ARHGAP5: variants seen among roughly 807,000 people sequenced by gnomAD.
ARHGAP5 encodes the protein Rho GTPase activating protein 5.
ARHGAP5 carries 23 observed loss-of-function variants against 116.6 expected under a neutral mutation model. That is an observed-to-expected ratio of 0.20 (90% CI 0.14 to 0.28). The LOEUF (loss-of-function observed/expected upper bound fraction) is 0.28. Ranked by LOEUF, ARHGAP5 falls within the 10% of genes least tolerant of loss-of-function variation. The pLI is 1.00. For missense variants in ARHGAP5, 1,405 were observed against 1,774.8 expected, an observed-to-expected ratio of 0.79 and a Z score of 3.74; for synonymous variants, 574 against 602.0, an observed-to-expected ratio of 0.95 and a Z score of 0.68.
At chr14:32,085,366 C>T (rs1056326046) in intron 1 of ARHGAP5, among the ~76,000 whole-genome samples, 3 of 152,096 alleles carry the variant, frequency 2.0e-5, no homozygotes, top group East Asian at 1.9e-4. Flanking sequence ...GAGAGGATCA[C>T]CTGAGCGCAG....
chr14:32,129,425 A>G (rs1880361022), intron 3 of ARHGAP5, among the ~76,000 whole-genome samples: 1 of 152,216 alleles, frequency 6.6e-6, no homozygotes, highest in Admixed American at 6.5e-5. Flanking sequence ...AATAGAGACT[A>G]TCTTTAAAGC....
intron 4 of ARHGAP5, among the ~76,000 whole-genome samples, chr14:32,147,597 A>G (rs550745293): frequency 2.6e-5 from 4 of 152,364 alleles, no homozygotes; most frequent in African/African-American, 9.6e-5. Context: ...AATGTGTTAC[A>G]GAAGTCTTTG....
chr14:32,137,343 T>C (rs1486612205), intron 3 of ARHGAP5, among the ~76,000 whole-genome samples: 2 of 151,322 alleles, frequency 1.3e-5, no homozygotes, highest in Non-Finnish European at 2.9e-5. Flanking sequence ...TCTCATTAAA[T>C]GGTCTTGACA....
At chr14:32,113,503 T>TA (rs977618768) in intron 2 of ARHGAP5, among the ~76,000 whole-genome samples, 21 of 152,250 alleles carry the variant, frequency 1.4e-4, no homozygotes, top group African/African-American at 4.3e-4. Flanking sequence ...TTTCATTACA[T>TA]TAGATTGCTA....
chr14:32,143,192 A>T (rs1220395562), intron 3 of ARHGAP5, among the ~76,000 whole-genome samples: 1 of 148,028 alleles, frequency 6.8e-6, no homozygotes, highest in African/African-American at 2.5e-5. Flanking sequence ...TTAAAAGGCA[A>T]CATTATTTTA....
chr14:32,158,253 G>A lies in ARHGAP5; in HGVS notation c.*3305G>A, dbSNP rs1465121885. The stretch of plus-strand genomic sequence containing the variant: ...ATCAATATGATGGAAATCTTATTAA[G>A]GAGATGTATTATTGAATTTTCACTG... On this transcript the variant is annotated 3_prime_UTR_variant, in exon 7 of 7. Coordinates refer to ENST00000345122, the MANE Select transcript of ARHGAP5 (RefSeq NM_001030055.2). The A allele has an allele frequency of 1.3e-5, 2 of 151,730 alleles. No homozygotes were observed. Among genetic ancestry groups the A allele is most frequent in the Admixed American group, 6.6e-5 (1 of 15,230 alleles). 9.4% of individuals were successfully genotyped at this position (151,730 alleles called of 1,614,324 possible).
intron 2 of ARHGAP5, among the ~76,000 whole-genome samples, chr14:32,101,328 A>C (rs1231033818): frequency 6.6e-6 from 1 of 152,214 alleles, no homozygotes; most frequent in Admixed American, 6.5e-5. Flanking sequence ...GTATATATTG[A>C]GTCACAAGGT....
chr14:32,142,811 A>G (rs1219316799), intron 3 of ARHGAP5, among the ~76,000 whole-genome samples: 1 of 152,178 alleles, frequency 6.6e-6, no homozygotes, highest in East Asian at 1.9e-4. Context: ...TAATTTTTTA[A>G]TAGATTACAG....
chr14:32,126,880 A>T (rs1418829716), intron 3 of ARHGAP5, among the ~76,000 whole-genome samples: 1 of 152,072 alleles, frequency 6.6e-6, no homozygotes, highest in African/African-American at 2.4e-5. Context: ...GTAGTGATGG[A>T]TGCACAATAT....
intron 1 of ARHGAP5, among the ~76,000 whole-genome samples, chr14:32,077,668 G>A (rs1318974456): frequency 6.6e-6 from 1 of 152,192 alleles, no homozygotes; most frequent in African/African-American, 2.4e-5. Flanking sequence ...GAGGCCGGGG[G>A]AGGGGGTGCT....
At chr14:32,114,593 C>T (rs1217611558) in intron 2 of ARHGAP5, among the ~76,000 whole-genome samples, 1 of 152,182 alleles carries the variant, frequency 6.6e-6, no homozygotes, top group Non-Finnish European at 1.5e-5. Flanking sequence ...ACATTCCAGA[C>T]ACCTAGTTGT....
chr14:32,089,029 C>A (rs547509842), intron 1 of ARHGAP5, among the ~76,000 whole-genome samples: 22 of 151,978 alleles, frequency 1.4e-4, no homozygotes, highest in African/African-American at 4.3e-4. Flanking sequence ...ATATTTATTA[C>A]AAAAGTGAAC....
rs777212768 is a variant in ARHGAP5, at chr14:32,154,658, G to A, written c.4219G>A (p.Asp1407Asn). Residue 1407 changes from aspartate (D) to asparagine (N), a missense_variant, in exon 7 of 7, where the codon GAC becomes AAC. Around this residue, in one of 6 missense-constraint regions of ARHGAP5, gnomAD observed 5 missense variants for 24.1 expected, o/e 0.21. Transcript: ENST00000345122. Reference protein sequence around the residue: ...QQHKINLMTADNLSICFWPTL... With the variant: ...QQHKINLMTANNLSICFWPTL... ...ACATAAAATCAACCTAATGACAGCA[G>A]ACAACTTATCCATCTGTTTTTGGCC... 3.1e-6 allele frequency: 5 copies of A among 1,613,268 alleles called. No individual in the cohort carries two copies. The South Asian group carries it at 4.4e-5, about 14-fold the overall frequency.
intron 3 of ARHGAP5, among the ~76,000 whole-genome samples, chr14:32,140,752 T>G (rs1274177516): frequency 6.6e-6 from 1 of 152,246 alleles, no homozygotes; most frequent in Non-Finnish European, 1.5e-5. Context: ...ATACGGTGTT[T>G]CCTCCAGAAT....
intron 3 of ARHGAP5, among the ~76,000 whole-genome samples, chr14:32,128,568 G>T (rs1016847963): frequency 2.6e-5 from 4 of 152,222 alleles, no homozygotes; most frequent in Non-Finnish European, 5.9e-5. Context: ...GCGTGGGCAG[G>T]ATCTTGGCAT....
At chr14:32,100,792 T>G (rs1388574434) in intron 2 of ARHGAP5, among the ~76,000 whole-genome samples, 2 of 152,178 alleles carry the variant, frequency 1.3e-5, no homozygotes, top group Non-Finnish European at 2.9e-5. Flanking sequence ...AAATCTGAAT[T>G]AATTTAGTAA....
rs757499390 is a variant in ARHGAP5, at chr14:32,156,645, G to T, written c.*1697G>T. 3.1e-4 allele frequency: 47 copies of T among 152,078 alleles called. No individual in the cohort carries two copies. Among genetic ancestry groups the T allele is most frequent in the Admixed American group, 5.3e-4 (8 of 15,226 alleles). The allele number at this position is 152,078 out of a possible 1,614,324, so 9.4% of individuals were successfully genotyped here. ...TACAGTAATTTTTAAAAAAAAATCC[G>T]GTAAATGTAGTATTCTTAACCTGTT... On this transcript the variant is annotated 3_prime_UTR_variant, in exon 7 of 7. Transcript: ENST00000345122.
At chr14:32,083,619 G>A (rs1214053735) in intron 1 of ARHGAP5, among the ~76,000 whole-genome samples, 1 of 152,160 alleles carries the variant, frequency 6.6e-6, no homozygotes, top group East Asian at 1.9e-4. Context: ...TGTGGAAAGT[G>A]CTTTTCAGTC....
chr14:32,106,034 G>T (rs1024978298), intron 2 of ARHGAP5, among the ~76,000 whole-genome samples: 1 of 152,174 alleles, frequency 6.6e-6, no homozygotes, highest in African/African-American at 2.4e-5. Context: ...GGTCGTTCCA[G>T]TTTTTGTCCA....
Sources: gnomAD v4.1 joint callset for allele counts (sites outside exome capture counted in the v4.1 genomes callset) on GRCh38, gnomAD v4.1.1 for gene constraint, gnomAD v4.1.1 regional missense constraint, MANE v1.5 for transcripts, NCBI Gene and HGNC (gene_info 2026-07-23, HGNC 2026-07-21) for gene names.